Variants in CACNA1B observed in about 807,000 individuals in gnomAD.
CACNA1B encodes voltage-dependent N-type calcium channel subunit alpha-1B.
In CACNA1B, 70 loss-of-function variants were observed where a neutral mutation model predicts 247.2. The ratio of observed to expected loss-of-function variants is 0.28; its 90% CI spans 0.23 to 0.35. CACNA1B has a LOEUF of 0.35. CACNA1B is among the 10% of genes least tolerant of loss of function. The probability of loss-of-function intolerance (pLI) is 1.00; values close to 1 mark genes in which losing one functional copy is unlikely to be tolerated. For missense variants in CACNA1B, 2,367 were observed against 3,197.4 expected (o/e 0.74, Z 6.26); for synonymous variants, 1,231 against 1,294.4 (o/e 0.95, Z 1.05).
chr9:137,960,420 GTCAGCCTGAGAGACGGAGGGGGAGGGGA>G (rs1958004698), intron 10 of CACNA1B, among the ~76,000 whole-genome samples: 3 of 11,858 alleles, frequency 2.5e-4, no homozygotes, highest in Non-Finnish European at 3.5e-4. Flanking sequence ...GGGAGGGGAG[GTCAGCCTGAGAGACGGAGGGGGAGGGGA>G]GGTCGGCCTG....
intron 36 of CACNA1B, among the ~76,000 whole-genome samples, chr9:138,079,645 A>G (rs991380944): frequency 6.7e-6 from 1 of 148,970 alleles, no homozygotes; most frequent in African/African-American, 2.5e-5. Flanking sequence ...TGGGGAGCTG[A>G]GGCAAGAGAA....
chr9:137,882,574 G>A lies in CACNA1B; in HGVS notation c.391-170G>A, dbSNP rs1956939374. Among the ~76,000 whole-genome samples, 1 of 152,188 alleles carries A rather than the reference G, an allele frequency of 6.6e-6. No individual in the cohort carries two copies. The highest frequency in any genetic ancestry group is 6.5e-5 in the Admixed American group (1 of 15,280). On this transcript the variant is annotated intron_variant, in intron 2 of 46. Transcript: ENST00000371372. This position sits in a 1 kb window ranked among gnomAD's most constrained non-coding sequence, Gnocchi z 4.0. ...CAGACAGCAAGCAGGCTCAGTGATG[G>A]GAATGGCTCCTTGGAGAATCTGCAG...
At chr9:138,096,344 G>A (rs563600424) in intron 36 of CACNA1B, 140 bp from the exon 37 acceptor site, 33 of 644,230 alleles carry the variant, frequency 5.1e-5, no homozygotes, top group Non-Finnish European at 9.1e-5. Flanking sequence ...CATGGGGAGA[G>A]CAGATCGGGC....
chr9:137,899,896 G>A lies in CACNA1B; in HGVS notation c.531-13284G>A, dbSNP rs1170107185. On this transcript the variant is annotated intron_variant, in intron 3 of 46. Transcript: ENST00000371372. This position sits in a 1 kb window ranked among gnomAD's most constrained non-coding sequence, Gnocchi z 5.0. The stretch of plus-strand genomic sequence containing the variant: ...CTGGCTCAGCGCAGACCCTCTGAGG[G>A]GCTGGTCCAGGTTGATGGGGCGTGG... Among the ~76,000 whole-genome samples the A allele has an allele frequency of 6.6e-6, 1 of 152,200 alleles. No individual in the cohort carries two copies. The highest frequency in any genetic ancestry group is 6.5e-5 in the Admixed American group (1 of 15,288).
At chr9:137,918,502 CT>C (rs1235109057) in intron 6 of CACNA1B, among the ~76,000 whole-genome samples, 2 of 152,076 alleles carry the variant, frequency 1.3e-5, no homozygotes. Context: ...CCCTCAGGTG[CT>C]GTCAGGGTGG....
rs565995375 is a variant in CACNA1B at position 137,899,159 on chromosome 9, C to G, written c.531-14021C>G. Among the ~76,000 whole-genome samples, 61 of 152,050 alleles carry G rather than the reference C, an allele frequency of 4.0e-4. No homozygotes were observed. Among genetic ancestry groups the G allele is most frequent in the African/African-American group, 1.5e-3 (61 of 41,466 alleles). On this transcript the variant is annotated intron_variant, in intron 3 of 46. Coordinates refer to ENST00000371372, the MANE Select transcript of CACNA1B (RefSeq NM_000718.4). The surrounding 1 kb of genome is among the most constrained non-coding windows in gnomAD (Gnocchi z 5.0). ...GTGGAGTGCAGTGCTGCAATCTCAG[C>G]TCACTGCAACCTCCGCCTCCTAGGT...
At chr9:137,892,653 T>C in intron 3 of CACNA1B, 1 of 338,778 alleles carries the variant, frequency 3.0e-6, no homozygotes, top group Non-Finnish European at 5.8e-6. Flanking sequence ...AGGAGGGACG[T>C]CCCCCAGCAC....
intron 34 of CACNA1B, among the ~76,000 whole-genome samples, chr9:138,074,401 C>T (rs558054225): frequency 2.6e-4 from 39 of 152,184 alleles, no homozygotes; most frequent in East Asian, 5.8e-4. Flanking sequence ...CCACCACGCC[C>T]GGCTAATTTT....
At chr9:138,002,954 C>T (rs1958597306) in intron 15 of CACNA1B, among the ~76,000 whole-genome samples, 1 of 151,748 alleles carries the variant, frequency 6.6e-6, no homozygotes, top group Non-Finnish European at 1.5e-5. Flanking sequence ...GCACCTGCCA[C>T]CATGCCCAGC....
At position 138,118,730 on chromosome 9, in the gene CACNA1B, C is replaced by T. The variant is rs1961967035; in HGVS notation, c.5992C>T (p.Arg1998Ter). Residue 1998 changes from arginine to a stop codon, truncating the protein, a stop_gained, in exon 44 of 47, where the codon CGA (arginine) becomes TGA (stop). Coordinates refer to ENST00000371372, the MANE Select transcript of CACNA1B (RefSeq NM_000718.4). LOFTEE classifies it high-confidence loss of function. ...CCAGCCTGGGCTGGAGAGCCAGGGT[C>T]GAGCGGCCTCCATGCCCCGCCTTGC... is the stretch of plus-strand genomic sequence containing the variant. The part of the protein sequence containing the change: ...EPQPGLESQG[R>*]AASMPRLAAE... The T allele has an allele frequency of 1.9e-6, 3 of 1,549,326 alleles. No individual in the cohort carries two copies. The highest frequency in any genetic ancestry group is 2.6e-6 in the Non-Finnish European group (3 of 1,145,482).
chr9:138,093,693 T>G lies in CACNA1B; in HGVS notation c.5095-2791T>G, dbSNP rs149754693. ...AGGTGGAGGCTGCAGTGACCTGAGA[T>G]CACGCCACTGCACTCCAGCCTGGGA... On this transcript the variant is annotated intron_variant, in intron 36 of 46. Transcript: ENST00000371372. Among the ~76,000 whole-genome samples the G allele has an allele frequency of 7.3e-3, 1,111 of 151,724 alleles. 17 individuals carry two copies. The highest frequency in any genetic ancestry group is 0.025 in the African/African-American group (1,052 of 41,358).
rs199937787 is a variant in CACNA1B, at chr9:137,882,846, G to C, written c.493G>C (p.Gly165Arg). The C allele has an allele frequency of 6.2e-7, 1 of 1,613,948 alleles. No individual in the cohort carries two copies. The highest frequency in any genetic ancestry group is 1.3e-5 in the African/African-American group (1 of 75,032). Residue 165 changes from glycine (G) to arginine (R), a missense_variant, in exon 3 of 47, where the codon GGC (glycine) becomes CGC (arginine). Gly to Arg is a moderately radical substitution (Grantham distance 125). Coordinates refer to ENST00000371372, the MANE Select transcript of CACNA1B (RefSeq NM_000718.4). This position sits in a 1 kb window ranked among gnomAD's most constrained non-coding sequence, Gnocchi z 4.0. ...CCACAAGGGCTCTTACCTGCGGAAC[G>C]GCTGGAACGTCATGGACTTCGTGGT... The part of the protein sequence containing the change: ...VFHKGSYLRN[G>R]WNVMDFVVVL...
chr9:137,878,907 C>A lies in CACNA1B; in HGVS notation c.285-147C>A, dbSNP rs141740696. 1,140 of 580,884 alleles carry A rather than the reference C, an allele frequency of 2.0e-3. 2 individuals are homozygous for A. Among genetic ancestry groups the A allele is most frequent in the Non-Finnish European group, 2.7e-3 (868 of 321,810 alleles). 36.0% of individuals were successfully genotyped at this position (580,884 alleles called of 1,614,324 possible). A position where few individuals can be genotyped will look rare whatever the true frequency, so the allele number is the denominator to read the frequency against. The stretch of plus-strand genomic sequence containing the variant: ...GGGCAGGGAGTGAGGGAGACCAGGC[C>A]GCTTCCGCCAGGAGAGGGGCTCCGG... On this transcript the variant is annotated intron_variant, in intron 1 of 46. Coordinates refer to ENST00000371372, the MANE Select transcript of CACNA1B (RefSeq NM_000718.4).
intron 10 of CACNA1B, among the ~76,000 whole-genome samples, chr9:137,966,066 T>C (rs1305227351): frequency 2.0e-5 from 3 of 152,220 alleles, no homozygotes; most frequent in African/African-American, 7.2e-5. Context: ...TTGCACCTTG[T>C]CGACATTGAA....
intron 36 of CACNA1B, among the ~76,000 whole-genome samples, chr9:138,081,839 C>G (rs1960531576): frequency 6.6e-6 from 1 of 150,876 alleles, no homozygotes; most frequent in African/African-American, 2.5e-5. Context: ...TATGAATAGA[C>G]CTGTAACGAG....
At chr9:137,989,467 G>A (rs1472722016) in intron 15 of CACNA1B, among the ~76,000 whole-genome samples, 1 of 152,186 alleles carries the variant, frequency 6.6e-6, no homozygotes, top group Non-Finnish European at 1.5e-5. Flanking sequence ...GAGTCCTGGA[G>A]AACATGTGCT....
chr9:138,094,717 G>A (rs1173317073), intron 36 of CACNA1B, among the ~76,000 whole-genome samples: 1 of 152,114 alleles, frequency 6.6e-6, no homozygotes, highest in African/African-American at 2.4e-5. Flanking sequence ...AAACAATGTG[G>A]TACTGGCATA....
intron 36 of CACNA1B, among the ~76,000 whole-genome samples, chr9:138,094,218 G>A (rs1283576054): frequency 6.6e-6 from 1 of 152,138 alleles, no homozygotes; most frequent in Non-Finnish European, 1.5e-5. Flanking sequence ...ACCTATAGTA[G>A]TCAAATTCAT....
chr9:138,076,048 G>A (rs558465385), intron 35 of CACNA1B, 138 bp downstream of exon 35: 5 of 639,646 alleles, frequency 7.8e-6, no homozygotes, highest in African/African-American at 5.5e-5. Context: ...CCCTCAGCAG[G>A]CCTTTCTGGT....
Sources: allele counts gnomAD v4.1 joint callset (sites outside exome capture counted in the v4.1 genomes callset), GRCh38; gene constraint gnomAD v4.1.1; non-coding constraint Gnocchi (gnomAD v3.1); transcripts MANE v1.5; gene names NCBI Gene and HGNC (gene_info 2026-07-23, HGNC 2026-07-21).